SH2B2: variants seen among roughly 807,000 people sequenced by gnomAD.
The protein encoded by SH2B2 is SH2B adapter protein 2.
Under a neutral mutation model 35.7 loss-of-function variants are expected in SH2B2, and 37 were observed. The observed-to-expected ratio is 1.04, with a 90% CI of 0.80 to 1.36. The LOEUF is 1.36. Among genes scored for constraint, SH2B2 ranks in the 40% most tolerant of loss-of-function variants. The pLI, the probability that SH2B2 is intolerant of heterozygous loss-of-function variation, is 0.00. For synonymous variants in SH2B2, 383 were observed against 376.4 expected (o/e 1.02, Z -0.20); for missense variants, 852 against 817.7 (o/e 1.04, Z -0.51).
intron 1 of SH2B2, among the ~76,000 whole-genome samples, chr7:102,289,296 G>A (rs879954784): frequency 1.1e-4 from 16 of 152,152 alleles, no homozygotes; most frequent in Non-Finnish European, 1.6e-4. Context: ...ACGGTTCGGT[G>A]GAAGAGACAG....
At position 102,321,572 on chromosome 7, in the gene SH2B2, C is replaced by A. The variant is rs1245262595; in HGVS notation, c.1841C>A (p.Pro614His). 37 of 1,158,824 alleles carry A rather than the reference C, an allele frequency of 3.2e-5. No individual in the cohort carries two copies. Among genetic ancestry groups the A allele is most frequent in the Admixed American group, 4.8e-5 (1 of 20,836 alleles). 71.8% of individuals were successfully genotyped at this position (1,158,824 alleles called of 1,614,324 possible). Residue 614 changes from proline to histidine, a missense_variant, in exon 9 of 9, where the codon CCC (proline) becomes CAC (histidine). Pro to His is a moderately conservative substitution (Grantham distance 77). Around this residue, in one of 3 missense-constraint regions of SH2B2, gnomAD observed 556 missense variants for 514.5 expected, o/e 1.08. Transcript: ENST00000444095. The part of the protein sequence containing the change: ...EAVAATAAEE[P>H]PEAAPGRARA... ...GTGGCCGCCACCGCCGCCGAGGAGC[C>A]CCCGGAGGCCGCGCCCGGCCGCGCG...
At chr7:102,286,504 C>G (rs1026001024), upstream of SH2B2, among the ~76,000 whole-genome samples, 1 of 152,114 alleles carries the variant, frequency 6.6e-6, no homozygotes, top group Non-Finnish European at 1.5e-5. Flanking sequence ...CTCCCGGGGC[C>G]ACCACCACCG....
chr7:102,306,483 CA>C, intron 2 of SH2B2, among the ~76,000 whole-genome samples: 1 of 152,344 alleles, frequency 6.6e-6, no homozygotes. Flanking sequence ...CTCGGCCTCC[CA>C]AAGTGCTAGG....
At chr7:102,311,619 T>C (rs1395290363) in intron 4 of SH2B2, among the ~76,000 whole-genome samples, 1 of 149,256 alleles carries the variant, frequency 6.7e-6, no homozygotes, top group Non-Finnish European at 1.5e-5. Flanking sequence ...CAGGCTGGTC[T>C]TGAATTCCTG....
intron 8 of SH2B2, among the ~76,000 whole-genome samples, 175 bp from the exon 9 acceptor site, chr7:102,321,124 G>A (rs1214903954): frequency 1.3e-5 from 2 of 152,186 alleles, no homozygotes; most frequent in African/African-American, 4.8e-5. Flanking sequence ...GTACATGTAT[G>A]TGTGTGTGCT....
intron 6 of SH2B2, among the ~76,000 whole-genome samples, chr7:102,316,934 G>C (rs2694145): frequency 6.6e-6 from 1 of 151,858 alleles, no homozygotes; most frequent in East Asian, 1.9e-4. Context: ...CAGGAGAATC[G>C]CTTGAACCCG....
At position 102,301,041 on chromosome 7, in the gene SH2B2, C is replaced by T; in HGVS notation, c.491C>T (p.Ala164Val). 2.2e-6 allele frequency: 3 copies of T among 1,368,696 alleles called. No homozygotes were observed. Among genetic ancestry groups the T allele is most frequent in the Non-Finnish European group, 2.8e-6 (3 of 1,064,626 alleles). The allele number at this position is 1,368,696 out of a possible 1,614,324, so 84.8% of individuals were successfully genotyped here. Reference protein sequence around the residue: ...RRASPEPDAAAAPRTAEPRDK... With the variant: ...RRASPEPDAAVAPRTAEPRDK... ...GCCTCGCCCGAGCCCGACGCGGCAG[C>T]TGCCCCGCGCACCGCCGAGCCCCGC... The change falls in exon 2 of 9, where the codon GCT becomes GTT. Residue 164 changes from alanine (A) to valine (V), a missense_variant. By Grantham distance (64) the Ala-to-Val change is moderately conservative. Around this residue, in one of 3 missense-constraint regions of SH2B2, gnomAD observed 294 missense variants for 286.6 expected, o/e 1.03. Coordinates refer to ENST00000444095, the MANE Select transcript of SH2B2 (RefSeq NM_001359228.2).
At chr7:102,314,140 C>G (rs1359881033) in intron 4 of SH2B2, among the ~76,000 whole-genome samples, 196 bp from the exon 5 acceptor site, 1 of 152,136 alleles carries the variant, frequency 6.6e-6, no homozygotes, top group Non-Finnish European at 1.5e-5. Context: ...CAACAGTGGC[C>G]TGGTCAATCA....
At position 102,297,736 on chromosome 7, in the gene SH2B2, G is replaced by C. The variant is rs1660159774; in HGVS notation, c.-29-2786G>C. Among the ~76,000 whole-genome samples the C allele has an allele frequency of 6.6e-6, 1 of 152,010 alleles. No homozygotes were observed. The highest frequency in any genetic ancestry group is 6.6e-5 in the Admixed American group (1 of 15,250). ...GCGCCTGCTGTATGCCCAGCACTGA[G>C]GACACAGCCGCTTCTAGGACTGGCA... On this transcript the variant is annotated intron_variant, in intron 1 of 8. Transcript: ENST00000444095. The surrounding 1 kb of genome is among the most constrained non-coding windows in gnomAD (Gnocchi z 4.3).
chr7:102,315,391 C>G (rs933487748), intron 6 of SH2B2, among the ~76,000 whole-genome samples: 2 of 151,788 alleles, frequency 1.3e-5, no homozygotes, highest in African/African-American at 4.8e-5. Context: ...AGTGCAGTGG[C>G]GGATCACAAC....
chr7:102,317,031 A>AAT (rs1378917687), intron 6 of SH2B2, 156 bp from the exon 7 acceptor site: 2 of 650,936 alleles, frequency 3.1e-6, no homozygotes, highest in African/African-American at 3.7e-5. Flanking sequence ...TCAAAAAAAA[A>AAT]ATAAAAACTA....
intron 7 of SH2B2, among the ~76,000 whole-genome samples, chr7:102,319,394 C>G (rs1793971674): frequency 6.6e-6 from 1 of 152,148 alleles, no homozygotes; most frequent in African/African-American, 2.4e-5. Context: ...CAGGGATTGT[C>G]TGTATTTTTT....
At chr7:102,290,205 G>C (rs1265981723) in intron 1 of SH2B2, among the ~76,000 whole-genome samples, 1 of 150,766 alleles carries the variant, frequency 6.6e-6, no homozygotes, top group Non-Finnish European at 1.5e-5. Flanking sequence ...ACAGGTCTCA[G>C]AAAGGGACCA....
chr7:102,302,227 T>C (rs1228257761), intron 2 of SH2B2, among the ~76,000 whole-genome samples: 2 of 152,154 alleles, frequency 1.3e-5, no homozygotes, highest in Non-Finnish European at 2.9e-5. Context: ...AGCCCAAGGG[T>C]GCCTGGCACC....
chr7:102,300,637 G>C lies in SH2B2; in HGVS notation c.87G>C (p.Leu29=). 6.5e-7 allele frequency: 1 copy of C among 1,550,010 alleles called. No homozygotes were observed. The highest frequency in any genetic ancestry group is 8.7e-7 in the Non-Finnish European group (1 of 1,145,686). Reference sequence around the variant, plus strand: ...CGGACTGGCGGCAGTTCTGCGAGCTGCATGCGCAGGCGGCCGCCGTGGACT... The same window carrying C: ...CGGACTGGCGGCAGTTCTGCGAGCTCCATGCGCAGGCGGCCGCCGTGGACT... ...PVPDWRQFCE[L]HAQAAAVDFA... Residue 29 remains leucine, a synonymous_variant, in exon 2 of 9, where the codon CTG becomes CTC. Transcript: ENST00000444095.
intron 7 of SH2B2, among the ~76,000 whole-genome samples, chr7:102,318,337 C>A (rs1554557551): frequency 6.6e-6 from 1 of 152,162 alleles, no homozygotes; most frequent in Non-Finnish European, 1.5e-5. Context: ...CAGGGTTTCA[C>A]CATGTTGGCC....
chr7:102,300,612 C>CGGACTGGCG lies in SH2B2; in HGVS notation c.64_72dup (p.Asp22_Arg24dup). Reference sequence around the variant, plus strand: ...CCGGTCCCAGTCCCGGTCCCGGTCCCGGACTGGCGGCAGTTCTGCGAGCTG... The same window carrying CGGACTGGCG: ...CCGGTCCCAGTCCCGGTCCCGGTCCCGGACTGGCGGGACTGGCGGCAGTTCTGCGAGCTG... On this transcript the variant is annotated inframe_insertion, in exon 2 of 9. Transcript: ENST00000444095. 6.4e-7 allele frequency: 1 copy of CGGACTGGCG among 1,551,028 alleles called. No individual in the cohort carries two copies.
At chr7:102,314,217 G>A in intron 4 of SH2B2, 119 bp from the exon 5 acceptor site, 1 of 397,804 alleles carries the variant, frequency 2.5e-6, no homozygotes. Flanking sequence ...GGTGACCAGA[G>A]CCAGGAGGCC....
chr7:102,306,906 G>C, intron 3 of SH2B2, 84 bp downstream of exon 3: 2 of 1,090,646 alleles, frequency 1.8e-6, no homozygotes, highest in Middle Eastern at 2.0e-4. Context: ...CTAGGGGAGC[G>C]AGGGGAAGGA....
Sources: gnomAD v4.1 joint callset for allele counts (sites outside exome capture counted in the v4.1 genomes callset) on GRCh38, gnomAD v4.1.1 for gene constraint, gnomAD v4.1.1 regional missense constraint, Gnocchi (gnomAD v3.1) non-coding constraint, MANE v1.5 for transcripts, NCBI Gene and HGNC (gene_info 2026-07-23, HGNC 2026-07-21) for gene names.